The following ZC3H13 variants were observed in gnomAD, a reference collection of about 807,000 sequenced individuals.
The protein encoded by ZC3H13 is zinc finger CCCH domain-containing protein 13.
Under a neutral mutation model 204.1 loss-of-function variants are expected in ZC3H13, and 64 were observed. The observed-to-expected ratio is 0.31, with a 90% CI of 0.26 to 0.39. ZC3H13 has a LOEUF of 0.39. Ranked by LOEUF, ZC3H13 falls within the 10% of genes least tolerant of loss-of-function variation. The pLI, the probability that ZC3H13 is intolerant of heterozygous loss-of-function variation, is 1.00. For synonymous variants in ZC3H13, 667 were observed against 693.7 expected, an observed-to-expected ratio of 0.96 and a Z score of 0.60; for missense variants, 1,833 against 2,082.7, an observed-to-expected ratio of 0.88 and a Z score of 2.33.
rs10678022 is a variant in ZC3H13, at chr13:45,983,414, T to TATATATATATATATATATATATATATA, written c.1720+1882_1720+1883insTATATATATATATATATATATATATAT. Among the ~76,000 whole-genome samples, 167 of 20,478 alleles carry TATATATATATATATATATATATATATA rather than the reference T, an allele frequency of 8.2e-3. 7 individuals carry two copies. Among genetic ancestry groups the TATATATATATATATATATATATATATA allele is most frequent in the African/African-American group, 0.013 (36 of 2,866 alleles). 13.4% of individuals were successfully genotyped at this position (20,478 alleles called of 152,430 possible). On this transcript the variant is annotated intron_variant, in intron 10 of 18. Transcript: ENST00000679008. ...AGCCCCTTCTACTTATATATATATA[T>TATATATATATATATATATATATATATA]TTTTTTTTTTTTTTTTTTTTTTTTT...
intron 11 of ZC3H13, among the ~76,000 whole-genome samples, chr13:45,976,959 A>C (rs982884562): frequency 6.6e-6 from 1 of 152,202 alleles, no homozygotes; most frequent in East Asian, 1.9e-4. Context: ...CTGATTGAAA[A>C]GACAAGAATT....
chr13:46,029,435 T>TC (rs2042740117), intron 4 of ZC3H13, among the ~76,000 whole-genome samples: 1 of 150,294 alleles, frequency 6.7e-6, no homozygotes, highest in African/African-American at 2.4e-5. Flanking sequence ...TTCTTTTTTT[T>TC]TTTTTTTTTT....
At chr13:46,018,423 T>C (rs865993911) in intron 5 of ZC3H13, among the ~76,000 whole-genome samples, 1 of 151,712 alleles carries the variant, frequency 6.6e-6, no homozygotes, top group African/African-American at 2.4e-5. Flanking sequence ...GGAGAGAAAA[T>C]GGATGTTAAA....
Position 45,969,444 on chromosome 13 carries a change from G to A in ZC3H13, c.3100C>T (p.Pro1034Ser). ...QSKKKRGPRT[P>S]PITTKEELVE... ...AATTCCTCTTTAGTTGTTATAGGGG[G>A]AGTCCGTGGGCCTCTTTTCTTCTTA... The change falls in exon 14 of 19, where the codon CCC becomes TCC. Residue 1034 changes from proline (P) to serine (S), a missense_variant. Physicochemically the swap from Pro to Ser is moderately conservative, Grantham distance 74. Around this residue, in one of 5 missense-constraint regions of ZC3H13, gnomAD observed 1,574 missense variants for 1,757.2 expected, o/e 0.90. Transcript: ENST00000679008. The A allele has an allele frequency of 1.9e-6, 3 of 1,613,946 alleles. No individual in the cohort carries two copies. The highest frequency in any genetic ancestry group is 1.7e-4 in the Middle Eastern group (1 of 6,056).
At chr13:45,989,602 A>T (rs1440291083) in intron 8 of ZC3H13, among the ~76,000 whole-genome samples, 1 of 152,346 alleles carries the variant, frequency 6.6e-6, no homozygotes, top group East Asian at 1.9e-4. Context: ...ACTATGAAAG[A>T]ATCCTAGAAT....
chr13:45,962,785 A>G, intron 17 of ZC3H13: 1 of 985,386 alleles, frequency 1.0e-6, no homozygotes, highest in Non-Finnish European at 1.2e-6. Context: ...TAAAATTGTT[A>G]ATTAATGTTG....
intron 10 of ZC3H13, among the ~76,000 whole-genome samples, 191 bp downstream of exon 10, chr13:45,985,106 A>C (rs1488105645): frequency 6.6e-6 from 1 of 152,194 alleles, no homozygotes; most frequent in African/African-American, 2.4e-5. Context: ...GTCTAGCTCA[A>C]GCTCCATTTA....
In ZC3H13 at chr13:45,975,358, T is replaced by A; in HGVS notation, c.2393A>T (p.Asp798Val). 6.2e-7 allele frequency: 1 copy of A among 1,614,112 alleles called. No homozygotes were observed. Among genetic ancestry groups the A allele is most frequent in the African/African-American group, 1.3e-5 (1 of 75,046 alleles). Residue 798 changes from aspartate to valine, a missense_variant, in exon 12 of 19, where the codon GAT (aspartate) becomes GTT (valine). Coordinates refer to ENST00000679008, the MANE Select transcript of ZC3H13 (RefSeq NM_001330564.2). Reference protein sequence around the residue: ...RDWEDKDKGRDDRREKREEIR... With the variant: ...RDWEDKDKGRVDRREKREEIR... Reference sequence around the variant, plus strand: ...CTCTTCTCGCTTTTCTCTGCGGTCATCTCGTCCTTTGTCTTTGTCTTCCCA... The same window carrying A: ...CTCTTCTCGCTTTTCTCTGCGGTCAACTCGTCCTTTGTCTTTGTCTTCCCA...
At chr13:46,017,462 A>G (rs936637080) in intron 5 of ZC3H13, among the ~76,000 whole-genome samples, 1 of 151,542 alleles carries the variant, frequency 6.6e-6, no homozygotes, top group African/African-American at 2.4e-5. Context: ...ACAATTTGCA[A>G]AATGATGCAA....
chr13:46,025,778 T>C (rs953392524), intron 4 of ZC3H13, among the ~76,000 whole-genome samples: 3 of 152,168 alleles, frequency 2.0e-5, no homozygotes, highest in Non-Finnish European at 4.4e-5. Flanking sequence ...TTTACTGTCA[T>C]GTGGTATCCC....
At chr13:46,010,287 T>A (rs1489621052) in intron 7 of ZC3H13, 61 bp downstream of exon 7, 4 of 1,452,774 alleles carry the variant, frequency 2.8e-6, no homozygotes, top group Non-Finnish European at 3.7e-6. Flanking sequence ...AACCTACTAA[T>A]TCTTTTTAGT....
chr13:45,969,351 T>C lies in ZC3H13; in HGVS notation c.3193A>G (p.Ser1065Gly). 6.2e-7 allele frequency: 1 copy of C among 1,614,100 alleles called. No homozygotes were observed. The highest frequency in any genetic ancestry group is 8.5e-7 in the Non-Finnish European group (1 of 1,180,028). ...GGGACATCCTCATCAGACCAGTCAC[T>C]GAATGCTGTATCTTCTTTTTTCTGG... is the stretch of plus-strand genomic sequence containing the variant. ...DSQKKEDTAF[S>G]DWSDEDVPDR... is the part of the protein sequence containing the mutation. Residue 1065 changes from serine (S) to glycine (G), a missense_variant, in exon 14 of 19, where the codon AGT (serine) becomes GGT (glycine). Physicochemically the swap from Ser to Gly is moderately conservative, Grantham distance 56. Coordinates refer to ENST00000679008, the MANE Select transcript of ZC3H13 (RefSeq NM_001330564.2).
chr13:45,989,194 T>C lies in ZC3H13; in HGVS notation c.945-97A>G, dbSNP rs2039788278. Reference sequence around the variant, plus strand: ...AAACAAAAAAGTGAATATGAAAGTATAGACAATAACTTCAGAATAAATTTT... The same window carrying C: ...AAACAAAAAAGTGAATATGAAAGTACAGACAATAACTTCAGAATAAATTTT... On this transcript the variant is annotated intron_variant, in intron 8 of 18. Transcript: ENST00000679008. 7.0e-6 allele frequency: 8 copies of C among 1,150,944 alleles called. No homozygotes were observed. The South Asian group carries it at 8.2e-5, about 12-fold the overall frequency. 71.3% of individuals were successfully genotyped at this position (1,150,944 alleles called of 1,614,324 possible).
chr13:46,030,766 A>G (rs1593757653), intron 4 of ZC3H13, among the ~76,000 whole-genome samples: 2 of 152,234 alleles, frequency 1.3e-5, no homozygotes, highest in African/African-American at 4.8e-5. Context: ...TAAGACATGC[A>G]TGAGGAAAAT....
At chr13:45,959,714 G>C (rs1206727718) in intron 17 of ZC3H13, 68 bp from the exon 18 acceptor site, 10 of 1,385,476 alleles carry the variant, frequency 7.2e-6, no homozygotes. Flanking sequence ...CTACTTAACT[G>C]AATATTCTAC....
intron 4 of ZC3H13, among the ~76,000 whole-genome samples, chr13:46,025,162 A>G (rs1271340442): frequency 6.6e-6 from 1 of 152,218 alleles, no homozygotes; most frequent in Non-Finnish European, 1.5e-5. Context: ...ATCCACTACT[A>G]AAGTTATCAT....
intron 8 of ZC3H13, chr13:46,001,527 A>G (rs1206884785): frequency 6.6e-6 from 1 of 152,262 alleles, no homozygotes; most frequent in Non-Finnish European, 1.5e-5. Flanking sequence ...TACATACTAA[A>G]TAACAGGTGA....
chr13:46,011,643 CA>C, intron 5 of ZC3H13, 89 bp from the exon 6 acceptor site: 1 of 1,043,376 alleles, frequency 9.6e-7, no homozygotes, highest in Non-Finnish European at 1.3e-6. Flanking sequence ...ATTTCTTACA[CA>C]AATCTAAATA....
intron 17 of ZC3H13, among the ~76,000 whole-genome samples, chr13:45,960,954 T>C (rs1951638828): frequency 6.6e-6 from 1 of 152,198 alleles, no homozygotes. Flanking sequence ...AGTCAATAGA[T>C]GTGTAACATA....
Sources: gnomAD v4.1 joint callset for allele counts (sites outside exome capture counted in the v4.1 genomes callset) on GRCh38, gnomAD v4.1.1 for gene constraint, gnomAD v4.1.1 regional missense constraint, MANE v1.5 for transcripts, NCBI Gene and HGNC (gene_info 2026-07-23, HGNC 2026-07-21) for gene names.